Variants in ANKS1A observed in about 807,000 individuals in gnomAD.
ANKS1A encodes ankyrin repeat and sterile alpha motif domain containing 1A.
A neutral mutation model predicts 120.3 loss-of-function variants in ANKS1A; 55 were observed. That is an observed-to-expected ratio of 0.46 (90% CI 0.37 to 0.57). ANKS1A has a LOEUF of 0.57. Ranked by LOEUF, ANKS1A falls within the 20% of genes least tolerant of loss-of-function variation. ANKS1A has a pLI of 0.00. For synonymous variants in ANKS1A, 590 were observed against 604.7 expected, an observed-to-expected ratio of 0.98 and a Z score of 0.36; for missense variants, 1,123 against 1,480.3, an observed-to-expected ratio of 0.76 and a Z score of 3.96.
Position 35,085,320 on chromosome 6 carries a change from G to A in ANKS1A, c.3133-446G>A, listed in dbSNP as rs545578507. 7.9e-5 allele frequency among the ~76,000 whole-genome samples: 12 copies of A among 152,236 alleles called. No individual in the cohort carries two copies. Among genetic ancestry groups the A allele is most frequent in the Admixed American group, 5.2e-4 (8 of 15,290 alleles). ...AGTTCTGCTGTAACGCCACACATAC[G>A]CTCCTAACAATCACTGTGCTGTGTA... On this transcript the variant is annotated intron_variant, in intron 21 of 23. Coordinates refer to ENST00000360359, the MANE Select transcript of ANKS1A (RefSeq NM_015245.3). The surrounding 1 kb of genome is among the most constrained non-coding windows in gnomAD (Gnocchi z 4.7).
chr6:35,007,415 T>G (rs1178553693), intron 10 of ANKS1A, among the ~76,000 whole-genome samples: 1 of 152,236 alleles, frequency 6.6e-6, no homozygotes, highest in Non-Finnish European at 1.5e-5. Flanking sequence ...GTTGAATTAT[T>G]TCAAAAGTAG....
intron 3 of ANKS1A, chr6:34,972,617 C>T (rs1771240151): frequency 4.1e-6 from 4 of 985,318 alleles, no homozygotes; most frequent in Non-Finnish European, 4.8e-6. Flanking sequence ...AAAGTACGGC[C>T]CCTTTGACCC....
At chr6:35,021,616 G>A (rs1290001979) in intron 11 of ANKS1A, among the ~76,000 whole-genome samples, 1 of 152,220 alleles carries the variant, frequency 6.6e-6, no homozygotes, top group Non-Finnish European at 1.5e-5. Flanking sequence ...CTAAATGGTA[G>A]ATATTAATGT....
chr6:34,947,099 G>C (rs1490463039), intron 1 of ANKS1A, among the ~76,000 whole-genome samples: 1 of 148,162 alleles, frequency 6.7e-6, no homozygotes, highest in Non-Finnish European at 1.5e-5. Flanking sequence ...TAGGTGTCTA[G>C]TATGATACTT....
chr6:34,985,161 G>C lies in ANKS1A; in HGVS notation c.1092G>C (p.Leu364=). ...NAEEEGPYEA[L]YNAISCHSLD... ...AAGAAGAGGGTCCCTACGAAGCTCTGTATAATGCCATCTCCTGCCATTCGT... is the reference window on the plus strand; with the variant it reads ...AAGAAGAGGGTCCCTACGAAGCTCTCTATAATGCCATCTCCTGCCATTCGT... The change falls in exon 8 of 24, where the codon CTG becomes CTC. Residue 364 remains leucine (L), a synonymous_variant. Transcript: ENST00000360359. 3 of 1,614,190 alleles carry C rather than the reference G, an allele frequency of 1.9e-6. 1 individual carries two copies. The highest frequency in any genetic ancestry group is 2.2e-5 in the South Asian group (2 of 91,086).
At chr6:35,021,468 A>C (rs1156866571) in intron 11 of ANKS1A, among the ~76,000 whole-genome samples, 1 of 152,188 alleles carries the variant, frequency 6.6e-6, no homozygotes, top group African/African-American at 2.4e-5. Context: ...ACCTCGGTGC[A>C]TGGACTACCT....
chr6:35,087,084 C>G (rs1554162656), intron 23 of ANKS1A, 35 bp downstream of exon 23: 9 of 1,582,078 alleles, frequency 5.7e-6, no homozygotes, highest in South Asian at 1.1e-5. Flanking sequence ...CAACCCACTC[C>G]CTGTCTCCAC....
intron 1 of ANKS1A, among the ~76,000 whole-genome samples, chr6:34,900,678 G>A (rs1051505342): frequency 2.6e-5 from 4 of 152,134 alleles, no homozygotes; most frequent in Non-Finnish European, 4.4e-5. Flanking sequence ...AACTTGCCAA[G>A]GTGCAGTAAG....
At chr6:35,093,778 G>GA (rs780796045), downstream of ANKS1A, among the ~76,000 whole-genome samples, 34 of 152,292 alleles carry the variant, frequency 2.2e-4, no homozygotes, top group Admixed American at 5.9e-4. Context: ...TAGCAAGACA[G>GA]AAAATTTAGA....
chr6:34,995,122 G>A (rs1007464780), intron 10 of ANKS1A, among the ~76,000 whole-genome samples: 3 of 152,182 alleles, frequency 2.0e-5, no homozygotes, highest in African/African-American at 7.2e-5. Flanking sequence ...GCTCTCTACA[G>A]CTTGCAGGTA....
At chr6:35,081,690 C>T (rs1381030614) in intron 17 of ANKS1A, among the ~76,000 whole-genome samples, 1 of 152,260 alleles carries the variant, frequency 6.6e-6, no homozygotes, top group Non-Finnish European at 1.5e-5. Context: ...GGGGGCACCG[C>T]TGGAGACGCC....
intron 11 of ANKS1A, among the ~76,000 whole-genome samples, chr6:35,026,715 T>A (rs1774643635): frequency 6.6e-6 from 1 of 152,166 alleles, no homozygotes; most frequent in South Asian, 2.1e-4. Context: ...TAATTTCTCC[T>A]GTAAGAGAAA....
In ANKS1A at chr6:34,991,711, CACATATATATACATAT is replaced by C. The variant is rs1561896936; in HGVS notation, c.1302+2397_1302+2412del. Among the ~76,000 whole-genome samples, 110 of 125,292 alleles carry C rather than the reference CACATATATATACATAT, an allele frequency of 8.8e-4. 1 individual carries two copies. In the East Asian group the frequency reaches 0.02, roughly 23 times the overall value. The allele number at this position is 125,292 out of a possible 152,430, so 82.2% of individuals were successfully genotyped here. ...ATATACACATATATATACATATATA[CACATATATATACATAT>C]ATACACATATATATACATATATACA... On this transcript the variant is annotated intron_variant, in intron 9 of 23. Coordinates refer to ENST00000360359, the MANE Select transcript of ANKS1A (RefSeq NM_015245.3).
intron 1 of ANKS1A, among the ~76,000 whole-genome samples, chr6:34,959,953 GTCC>G (rs1307869171): frequency 6.6e-6 from 1 of 151,990 alleles, no homozygotes; most frequent in Admixed American, 6.5e-5. Flanking sequence ...TGGACTTTAT[GTCC>G]TCCTCCGTTT....
intron 13 of ANKS1A, among the ~76,000 whole-genome samples, chr6:35,073,456 G>A (rs892287800): frequency 1.3e-5 from 2 of 152,190 alleles, no homozygotes; most frequent in Non-Finnish European, 2.9e-5. Context: ...GAGCGAGTCA[G>A]GACAGGGGGA....
At chr6:35,004,868 C>G (rs1401926050) in intron 10 of ANKS1A, among the ~76,000 whole-genome samples, 1 of 152,150 alleles carries the variant, frequency 6.6e-6, no homozygotes, top group East Asian at 1.9e-4. Context: ...CATTTGTTAT[C>G]TTTATACAAA....
At position 35,079,507 on chromosome 6, in the gene ANKS1A, G is replaced by A. The variant is rs773077940; in HGVS notation, c.2284-9G>A. Reference sequence around the variant, plus strand: ...AGATGTCAGTTTCACCTCCCTCCTTGCCCTGTAGGTGAAGGCTCTGGGTTA... The same window carrying A: ...AGATGTCAGTTTCACCTCCCTCCTTACCCTGTAGGTGAAGGCTCTGGGTTA... On this transcript the variant is annotated splice_polypyrimidine_tract_variant and intron_variant, in intron 14 of 23. Transcript: ENST00000360359. The A allele has an allele frequency of 2.2e-5, 35 of 1,613,410 alleles. No individual in the cohort carries two copies. Among genetic ancestry groups the A allele is most frequent in the Non-Finnish European group, 1.9e-5 (22 of 1,179,702 alleles).
chr6:35,017,641 C>G lies in ANKS1A; in HGVS notation c.1592C>G (p.Ser531Cys), dbSNP rs748921780. Residue 531 changes from serine to cysteine, a missense_variant, in exon 11 of 24, where the codon TCC (serine) becomes TGC (cysteine). Transcript: ENST00000360359. ...GCTGGCCAGAGCCATCCAGACGGGTCCCCCCAGCAGGGCGCCTGCCACAAG... is the reference window on the plus strand; with the variant it reads ...GCTGGCCAGAGCCATCCAGACGGGTGCCCCCAGCAGGGCGCCTGCCACAAG... ...CTAGQSHPDGSPQQGACHKAS... is the reference protein window; with the variant it reads ...CTAGQSHPDGCPQQGACHKAS... The G allele has an allele frequency of 1.5e-5, 24 of 1,613,682 alleles. No homozygotes were observed. The highest frequency in any genetic ancestry group is 2.0e-5 in the Non-Finnish European group (24 of 1,179,866).
chr6:35,034,986 G>A (rs1318162020), intron 11 of ANKS1A, among the ~76,000 whole-genome samples: 2 of 152,262 alleles, frequency 1.3e-5, no homozygotes, highest in African/African-American at 4.8e-5. Context: ...GCGATAGCCT[G>A]TGGGACTCAT....
Sources: allele counts gnomAD v4.1 joint callset (sites outside exome capture counted in the v4.1 genomes callset), GRCh38; gene constraint gnomAD v4.1.1; non-coding constraint Gnocchi (gnomAD v3.1); transcripts MANE v1.5; gene names NCBI Gene and HGNC (gene_info 2026-07-23, HGNC 2026-07-21).